KCNB2: variants seen among roughly 807,000 people sequenced by gnomAD.
KCNB2 encodes the protein delayed rectifier potassium channel protein.
KCNB2 carries 15 observed loss-of-function variants against 61.5 expected under a neutral mutation model. The ratio of observed to expected loss-of-function variants is 0.24; its 90% CI spans 0.16 to 0.38. The LOEUF is 0.38. Ranked by LOEUF, KCNB2 falls within the 10% of genes least tolerant of loss-of-function variation. The pLI is 1.00. For synonymous variants in KCNB2, 457 were observed against 446.0 expected, an observed-to-expected ratio of 1.02 and a Z score of -0.31; for missense variants, 828 against 1,125.2, an observed-to-expected ratio of 0.74 and a Z score of 3.78.
At chr8:72,839,599 CTTTTTTTTTTTTT>C (rs10561095) in intron 2 of KCNB2, among the ~76,000 whole-genome samples, 8 of 87,640 alleles carry the variant, frequency 9.1e-5, no homozygotes, top group South Asian at 4.9e-4. Context: ...TGAAAGGCTT[CTTTTTTTTTTTTT>C]TTTTTTTTTT....
intron 2 of KCNB2, among the ~76,000 whole-genome samples, chr8:72,816,792 C>T (rs1002446674): frequency 6.6e-6 from 1 of 152,168 alleles, no homozygotes; most frequent in African/African-American, 2.4e-5. Context: ...TTGCTCCTTT[C>T]CCTGTTGTAA....
intron 2 of KCNB2, among the ~76,000 whole-genome samples, chr8:72,599,978 C>T (rs1309422329): frequency 6.6e-6 from 1 of 152,184 alleles, no homozygotes; most frequent in African/African-American, 2.4e-5. Flanking sequence ...AATAGGAACA[C>T]TTTTACACTG....
chr8:72,551,386 G>C (rs1169237251), intron 1 of KCNB2, among the ~76,000 whole-genome samples: 2 of 152,132 alleles, frequency 1.3e-5, no homozygotes, highest in African/African-American at 4.8e-5. Flanking sequence ...GTAGAAAGCT[G>C]TTGTACATGA....
chr8:72,781,846 C>A (rs534946911), intron 2 of KCNB2, among the ~76,000 whole-genome samples: 1 of 152,264 alleles, frequency 6.6e-6, no homozygotes, highest in African/African-American at 2.4e-5. Context: ...TTATCCACAG[C>A]AAACTAACAC....
intron 2 of KCNB2, among the ~76,000 whole-genome samples, chr8:72,639,348 T>A (rs1806016431): frequency 6.6e-6 from 1 of 152,160 alleles, no homozygotes; most frequent in African/African-American, 2.4e-5. Context: ...TATTACTGAT[T>A]ACCTACTCCT....
At chr8:72,912,563 G>C (rs932594052) in intron 2 of KCNB2, among the ~76,000 whole-genome samples, 1 of 148,734 alleles carries the variant, frequency 6.7e-6, no homozygotes, top group African/African-American at 2.5e-5. Flanking sequence ...TCCTATATAT[G>C]TAAAAGATGT....
chr8:72,710,846 G>A (rs1408186749), intron 2 of KCNB2, among the ~76,000 whole-genome samples: 1 of 152,116 alleles, frequency 6.6e-6, no homozygotes, highest in Non-Finnish European at 1.5e-5. Flanking sequence ...TTCCTCAATG[G>A]GAAACAATGG....
chr8:72,936,022 G>A lies in KCNB2; in HGVS notation c.667G>A (p.Glu223Lys). The A allele has an allele frequency of 6.2e-7, 1 of 1,614,168 alleles. No homozygotes were observed. The highest frequency in any genetic ancestry group is 1.6e-4 in the Middle Eastern group (1 of 6,062). ...NTLPELQETD[E>K]FGQLNDNRQL... ...GCTGCCGGAGCTGCAGGAAACGGACGAATTTGGACAACTCAATGACAACCG... is the reference window on the plus strand; with the variant it reads ...GCTGCCGGAGCTGCAGGAAACGGACAAATTTGGACAACTCAATGACAACCG... Residue 223 changes from glutamate (E) to lysine (K), a missense_variant, in exon 3 of 3, where the codon GAA becomes AAA. By Grantham distance (56) the Glu-to-Lys change is moderately conservative. Transcript: ENST00000523207. The surrounding 1 kb of genome is among the most constrained non-coding windows in gnomAD (Gnocchi z 5.6).
intron 2 of KCNB2, among the ~76,000 whole-genome samples, chr8:72,601,795 G>C (rs1023462139): frequency 3.3e-5 from 5 of 152,162 alleles, no homozygotes; most frequent in African/African-American, 1.2e-4. Context: ...GTTCAGTACA[G>C]AACACTCTAT....
At chr8:72,583,744 T>A (rs947316057) in intron 2 of KCNB2, among the ~76,000 whole-genome samples, 1 of 152,158 alleles carries the variant, frequency 6.6e-6, no homozygotes, top group African/African-American at 2.4e-5. Flanking sequence ...AGAGACTGAA[T>A]CCCATTAAAT....
chr8:72,624,037 A>G (rs1805751907), intron 2 of KCNB2, among the ~76,000 whole-genome samples: 1 of 152,182 alleles, frequency 6.6e-6, no homozygotes, highest in Admixed American at 6.5e-5. Flanking sequence ...TAGCTTATCT[A>G]CAAATCGTTA....
intron 2 of KCNB2, among the ~76,000 whole-genome samples, chr8:72,705,364 C>T (rs951151469): frequency 2.0e-5 from 3 of 152,186 alleles, no homozygotes; most frequent in African/African-American, 4.8e-5. Flanking sequence ...AACCATCTCC[C>T]ATCCATTAAC....
chr8:72,822,580 T>A (rs1021617056), intron 2 of KCNB2, among the ~76,000 whole-genome samples: 1 of 152,204 alleles, frequency 6.6e-6, no homozygotes, highest in African/African-American at 2.4e-5. Context: ...TCATTCTCTT[T>A]CTGCTTACCT....
chr8:72,757,115 T>C (rs1808303259), intron 2 of KCNB2, among the ~76,000 whole-genome samples: 1 of 152,000 alleles, frequency 6.6e-6, no homozygotes, highest in African/African-American at 2.4e-5. Flanking sequence ...GGAGCGCCAA[T>C]GTGCTTAATG....
intron 2 of KCNB2, among the ~76,000 whole-genome samples, chr8:72,653,334 C>T (rs1279752734): frequency 6.6e-6 from 1 of 152,040 alleles, no homozygotes. Flanking sequence ...TGGCATTGTT[C>T]CTTTACTTTA....
intron 2 of KCNB2, among the ~76,000 whole-genome samples, chr8:72,613,613 TC>T (rs1168551789): frequency 1.3e-5 from 2 of 152,208 alleles, no homozygotes; most frequent in Non-Finnish European, 2.9e-5. Context: ...ACATCATCCC[TC>T]AGTCTAAGCT....
At chr8:72,556,589 A>C (rs1806429321) in intron 1 of KCNB2, among the ~76,000 whole-genome samples, 1 of 152,182 alleles carries the variant, frequency 6.6e-6, no homozygotes, top group Non-Finnish European at 1.5e-5. Flanking sequence ...AATAATGAAT[A>C]GAAAAAAATC....
chr8:72,616,408 T>G (rs1015100365), intron 2 of KCNB2, among the ~76,000 whole-genome samples: 1 of 152,222 alleles, frequency 6.6e-6, no homozygotes, highest in Non-Finnish European at 1.5e-5. Flanking sequence ...CAGGCTTTTT[T>G]TATTCCAATG....
chr8:72,918,249 TG>T (rs551870252), intron 2 of KCNB2, among the ~76,000 whole-genome samples: 14 of 152,338 alleles, frequency 9.2e-5, no homozygotes, highest in African/African-American at 2.9e-4. Flanking sequence ...TTGTGTCTTC[TG>T]TAGCAGTGCT....
Sources: allele counts gnomAD v4.1 joint callset (sites outside exome capture counted in the v4.1 genomes callset), GRCh38; gene constraint gnomAD v4.1.1; non-coding constraint Gnocchi (gnomAD v3.1); transcripts MANE v1.5; gene names NCBI Gene and HGNC (gene_info 2026-07-23, HGNC 2026-07-21).